The following ZNF385B variants were observed in gnomAD, a reference collection of about 807,000 sequenced individuals.
The protein encoded by ZNF385B is zinc finger protein 533.
Under a neutral mutation model 39.2 loss-of-function variants are expected in ZNF385B, and 23 were observed. That is an observed-to-expected ratio of 0.59 (90% CI 0.42 to 0.83). The LOEUF is 0.83. ZNF385B is among the 40% of genes least tolerant of loss of function. ZNF385B has a pLI of 0.00. For missense variants in ZNF385B, 552 were observed against 598.9 expected, an observed-to-expected ratio of 0.92 and a Z score of 0.82; for synonymous variants, 205 against 222.6, an observed-to-expected ratio of 0.92 and a Z score of 0.70.
intron 1 of ZNF385B, among the ~76,000 whole-genome samples, chr2:179,785,789 G>A (rs1704961834): frequency 6.6e-6 from 1 of 152,172 alleles, no homozygotes; most frequent in Admixed American, 6.5e-5. Context: ...TCTTGGTAAA[G>A]ATGCTGTGAA....
chr2:179,641,614 A>G (rs1692274689), intron 3 of ZNF385B, among the ~76,000 whole-genome samples: 1 of 152,164 alleles, frequency 6.6e-6, no homozygotes, highest in South Asian at 2.1e-4. Context: ...TTTCACATGC[A>G]TACAACAAAA....
chr2:179,566,215 C>T (rs952021167), intron 3 of ZNF385B, among the ~76,000 whole-genome samples: 4 of 152,186 alleles, frequency 2.6e-5, no homozygotes, highest in African/African-American at 9.6e-5. Context: ...AGTTTAAGAC[C>T]TCTTATAAAT....
intron 6 of ZNF385B, among the ~76,000 whole-genome samples, chr2:179,466,517 C>T (rs998041868): frequency 6.6e-6 from 1 of 152,044 alleles, no homozygotes; most frequent in Non-Finnish European, 1.5e-5. Flanking sequence ...GCTTCTAGCC[C>T]AAGAACCCAT....
intron 3 of ZNF385B, among the ~76,000 whole-genome samples, chr2:179,593,590 C>A (rs1196630514): frequency 6.6e-6 from 1 of 152,100 alleles, no homozygotes; most frequent in Non-Finnish European, 1.5e-5. Context: ...TAACATAGTT[C>A]TGAAGAGTAC....
intron 3 of ZNF385B, among the ~76,000 whole-genome samples, chr2:179,753,880 A>C (rs1383537179): frequency 1.3e-5 from 2 of 152,256 alleles, no homozygotes; most frequent in Non-Finnish European, 2.9e-5. Flanking sequence ...ATCTGCAAAC[A>C]GGGACAATTT....
intron 3 of ZNF385B, among the ~76,000 whole-genome samples, chr2:179,665,937 T>C (rs770305817): frequency 6.6e-5 from 10 of 152,202 alleles, no homozygotes; most frequent in African/African-American, 2.4e-4. Context: ...GGCAGCAAAA[T>C]GCTCTGACTG....
intron 3 of ZNF385B, among the ~76,000 whole-genome samples, chr2:179,566,419 A>T (rs1236628858): frequency 6.6e-6 from 1 of 152,232 alleles, no homozygotes; most frequent in African/African-American, 2.4e-5. Context: ...AGGAGTCAAT[A>T]GCCTATGAGT....
intron 3 of ZNF385B, among the ~76,000 whole-genome samples, chr2:179,549,811 C>T (rs1399601577): frequency 6.7e-6 from 1 of 149,068 alleles, no homozygotes; most frequent in Non-Finnish European, 1.5e-5. Context: ...TCAGGTCAGC[C>T]CCATCCATTA....
chr2:179,541,751 A>C (rs569698898), intron 4 of ZNF385B, among the ~76,000 whole-genome samples: 8 of 152,254 alleles, frequency 5.3e-5, no homozygotes, highest in Admixed American at 2.6e-4. Flanking sequence ...ATTCAAAAAA[A>C]CCATTTCCTC....
chr2:179,518,270 T>C (rs1010318027), intron 5 of ZNF385B, among the ~76,000 whole-genome samples: 1 of 152,204 alleles, frequency 6.6e-6, no homozygotes, highest in African/African-American at 2.4e-5. Flanking sequence ...TGTAATGTTA[T>C]TCTAAAAAAT....
intron 3 of ZNF385B, among the ~76,000 whole-genome samples, chr2:179,726,926 C>A (rs762906324): frequency 9.2e-5 from 14 of 152,126 alleles, no homozygotes; most frequent in Non-Finnish European, 1.5e-5. Flanking sequence ...GGACATTGAG[C>A]TAGTTAATGA....
At chr2:179,636,539 C>T (rs999526058) in intron 3 of ZNF385B, among the ~76,000 whole-genome samples, 1 of 152,182 alleles carries the variant, frequency 6.6e-6, no homozygotes, top group African/African-American at 2.4e-5. Context: ...TAAAATCCCT[C>T]ACTTTAGCAA....
At chr2:179,634,236 C>T (rs1010092639) in intron 3 of ZNF385B, among the ~76,000 whole-genome samples, 1 of 151,976 alleles carries the variant, frequency 6.6e-6, no homozygotes, top group Non-Finnish European at 1.5e-5. Flanking sequence ...CTCTGCACAG[C>T]AAAAGAAACT....
intron 3 of ZNF385B, among the ~76,000 whole-genome samples, chr2:179,629,409 T>C (rs1690976642): frequency 6.6e-6 from 1 of 152,226 alleles, no homozygotes; most frequent in Non-Finnish European, 1.5e-5. Flanking sequence ...ACCTCAAACA[T>C]ATGAATGAGT....
chr2:179,858,896 T>A (rs909600025), intron 1 of ZNF385B, among the ~76,000 whole-genome samples: 1 of 152,184 alleles, frequency 6.6e-6, no homozygotes, highest in East Asian at 1.9e-4. Context: ...AATCAAGCAA[T>A]GATATCTTCA....
chr2:179,697,735 C>A (rs10196293), intron 3 of ZNF385B, among the ~76,000 whole-genome samples: 28,760 of 151,764 alleles, frequency 0.19, 2,835 homozygotes, highest in Middle Eastern at 0.23. Flanking sequence ...TAAATGGAAA[C>A]GAAATTTGTA....
chr2:179,674,330 CGT>C lies in ZNF385B; in HGVS notation c.298+95171_298+95172del, dbSNP rs1559071543. ...TAGAATTGTAATTGAGCAACTATGA[CGT>C]ATTTTTCTTGACTGTAGTAAAAATA... On this transcript the variant is annotated intron_variant, in intron 3 of 9. Transcript: ENST00000410066. Among the ~76,000 whole-genome samples, 4 of 152,190 alleles carry C rather than the reference CGT, an allele frequency of 2.6e-5. No homozygotes were observed. The East Asian group carries it at 7.7e-4, about 29-fold the overall frequency.
intron 6 of ZNF385B, among the ~76,000 whole-genome samples, chr2:179,473,317 G>A (rs1021089911): frequency 4.6e-5 from 7 of 152,258 alleles, no homozygotes; most frequent in Admixed American, 1.3e-4. Flanking sequence ...GTAAGTGCAG[G>A]TCACTGTTGC....
At chr2:179,817,535 C>A (rs1260340122) in intron 1 of ZNF385B, among the ~76,000 whole-genome samples, 1 of 152,160 alleles carries the variant, frequency 6.6e-6, no homozygotes, top group Non-Finnish European at 1.5e-5. Flanking sequence ...GAGTCACCCA[C>A]CTCTAAGTTA....
Sources: gnomAD v4.1 joint callset for allele counts (sites outside exome capture counted in the v4.1 genomes callset) on GRCh38, gnomAD v4.1.1 for gene constraint, MANE v1.5 for transcripts, NCBI Gene and HGNC (gene_info 2026-07-23, HGNC 2026-07-21) for gene names.